Variants in FMNL2 observed in about 807,000 individuals in gnomAD.
FMNL2 encodes formin like 2, also known as formin-like protein 2.
A neutral mutation model predicts 130.2 loss-of-function variants in FMNL2; 51 were observed. The ratio of observed to expected loss-of-function variants is 0.39; its 90% CI spans 0.31 to 0.49. FMNL2 has a LOEUF of 0.49. Ranked by LOEUF, FMNL2 falls within the 20% of genes least tolerant of loss-of-function variation. The pLI is 0.85. For synonymous variants in FMNL2, 465 were observed against 467.1 expected, an observed-to-expected ratio of 1.00 and a Z score of 0.06; for missense variants, 977 against 1,316.2, an observed-to-expected ratio of 0.74 and a Z score of 3.99.
intron 2 of FMNL2, among the ~76,000 whole-genome samples, chr2:152,533,934 C>T (rs35035832): frequency 0.055 from 8,288 of 152,056 alleles, 277 homozygotes; most frequent in African/African-American, 0.081. Context: ...TTTGAACAAC[C>T]TCCCACCACT....
chr2:152,639,046 G>T (rs1682865456), intron 23 of FMNL2, among the ~76,000 whole-genome samples: 1 of 40,422 alleles, frequency 2.5e-5, no homozygotes, highest in African/African-American at 6.6e-5. Context: ...CCACCTCACT[G>T]TTCCTCCCTG....
At chr2:152,396,090 A>G (rs1685378629) in intron 1 of FMNL2, among the ~76,000 whole-genome samples, 1 of 152,204 alleles carries the variant, frequency 6.6e-6, no homozygotes, top group Non-Finnish European at 1.5e-5. Flanking sequence ...CTTGTTGTTT[A>G]ATCACGGCAT....
chr2:152,437,905 G>A (rs146434401), intron 1 of FMNL2, among the ~76,000 whole-genome samples: 8 of 152,302 alleles, frequency 5.3e-5, no homozygotes, highest in African/African-American at 1.9e-4. Context: ...ACTCACATCT[G>A]TTGTAAAAGG....
In FMNL2 at chr2:152,389,917, C is replaced by T. The variant is rs145226853; in HGVS notation, c.117+54197C>T. The T allele has an allele frequency of 2.3e-4, 240 of 1,039,630 alleles. No homozygotes were observed. In the African/African-American group the frequency reaches 3.1e-3, roughly 13 times the overall value. 64.4% of individuals were successfully genotyped at this position (1,039,630 alleles called of 1,614,324 possible). On this transcript the variant is annotated intron_variant, in intron 1 of 25. Coordinates refer to ENST00000288670, the MANE Select transcript of FMNL2 (RefSeq NM_052905.4). ...GAAGAGAACCCGGGAGAAGGTGGAG[C>T]GGGTGGCCGGGCTGGCCAAGGAAGC...
chr2:152,587,894 G>T (rs1369852248), intron 9 of FMNL2, among the ~76,000 whole-genome samples: 1 of 152,236 alleles, frequency 6.6e-6, no homozygotes, highest in African/African-American at 2.4e-5. Context: ...TACTTCGACA[G>T]TTGTAATACC....
chr2:152,610,765 A>C (rs1443931848), intron 10 of FMNL2, among the ~76,000 whole-genome samples: 1 of 152,204 alleles, frequency 6.6e-6, no homozygotes, highest in African/African-American at 2.4e-5. Context: ...AAAGATTTTT[A>C]TGTGGACGTA....
Position 152,492,878 on chromosome 2 carries a change from AC to A in FMNL2, c.118-29064del, listed in dbSNP as rs529255378. 1.2e-3 allele frequency among the ~76,000 whole-genome samples: 180 copies of A among 152,270 alleles called. 1 individual carries two copies. The highest frequency in any genetic ancestry group is 4.0e-3 in the African/African-American group (167 of 41,572). ...AAAAGAAAATAGCCGATATATTATTACTTTTTTTTTCTTCTATGTCACCTTG... is the reference window on the plus strand; with the variant it reads ...AAAAGAAAATAGCCGATATATTATTATTTTTTTTTCTTCTATGTCACCTTG... On this transcript the variant is annotated intron_variant, in intron 1 of 25. Transcript: ENST00000288670.
In FMNL2 at chr2:152,550,767, T is replaced by A. The variant is rs187391194; in HGVS notation, c.359+1670T>A. Among the ~76,000 whole-genome samples, 20 of 152,326 alleles carry A rather than the reference T, an allele frequency of 1.3e-4. No individual in the cohort carries two copies. In the East Asian group the frequency reaches 3.7e-3, roughly 28 times the overall value. On this transcript the variant is annotated intron_variant, in intron 4 of 25. Transcript: ENST00000288670. The stretch of plus-strand genomic sequence containing the variant: ...AGGAGCTAGATTCGATTTTGTTTGG[T>A]CCAAACCTTTGCCTTTGGCCCTTTT...
At position 152,648,112 on chromosome 2, in the gene FMNL2, T is replaced by TAATC; in HGVS notation, c.*210_*213dup. The TAATC allele has an allele frequency of 1.9e-6, 1 of 522,154 alleles. No individual in the cohort carries two copies. Among genetic ancestry groups the TAATC allele is most frequent in the African/African-American group, 2.0e-5 (1 of 50,686 alleles). 32.3% of individuals were successfully genotyped at this position (522,154 alleles called of 1,614,324 possible). On this transcript the variant is annotated 3_prime_UTR_variant, in exon 26 of 26. Coordinates refer to ENST00000288670, the MANE Select transcript of FMNL2 (RefSeq NM_052905.4). Reference sequence around the variant, plus strand: ...TAAAAATGGAAGTACCTGTTCAGATTAATCAAAGCAATAGGATTTGATTTG... The same window carrying TAATC: ...TAAAAATGGAAGTACCTGTTCAGATTAATCAATCAAAGCAATAGGATTTGATTTG...
At chr2:152,537,997 A>G (rs1490161618) in intron 2 of FMNL2, among the ~76,000 whole-genome samples, 1 of 152,210 alleles carries the variant, frequency 6.6e-6, no homozygotes, top group Non-Finnish European at 1.5e-5. Context: ...CAGATATAGA[A>G]GCTTGAGTGA....
intron 2 of FMNL2, among the ~76,000 whole-genome samples, chr2:152,537,174 C>G (rs1232289393): frequency 2.0e-5 from 3 of 152,208 alleles, no homozygotes; most frequent in African/African-American, 7.2e-5. Flanking sequence ...TGTAGCATAG[C>G]TGATGAATTC....
At chr2:152,380,324 G>A (rs910301367) in intron 1 of FMNL2, among the ~76,000 whole-genome samples, 2 of 152,208 alleles carry the variant, frequency 1.3e-5, no homozygotes, top group Non-Finnish European at 2.9e-5. Flanking sequence ...CTTTTTGCTT[G>A]TGGTGACGTA....
At chr2:152,581,863 C>T (rs1696805469) in intron 9 of FMNL2, among the ~76,000 whole-genome samples, 1 of 152,140 alleles carries the variant, frequency 6.6e-6, no homozygotes, top group African/African-American at 2.4e-5. Context: ...GCTAGAAGTC[C>T]CATTTAATTC....
At position 152,364,619 on chromosome 2, in the gene FMNL2, G is replaced by A. The variant is rs534933257; in HGVS notation, c.117+28899G>A. ...ATTAATCTATTTAGATATGCTTTGG[G>A]TACTTTTCCTGGCAAAATGGTAAAT... On this transcript the variant is annotated intron_variant, in intron 1 of 25. Transcript: ENST00000288670. 2.6e-5 allele frequency among the ~76,000 whole-genome samples: 4 copies of A among 152,242 alleles called. No homozygotes were observed. In the South Asian group the frequency reaches 8.3e-4, roughly 32 times the overall value.
intron 1 of FMNL2, among the ~76,000 whole-genome samples, chr2:152,497,316 T>A (rs1357793906): frequency 6.6e-6 from 1 of 151,836 alleles, no homozygotes; most frequent in African/African-American, 2.4e-5. Flanking sequence ...TTGTGTGCAT[T>A]TTTTTTTGTT....
At chr2:152,450,904 G>A (rs1688603336) in intron 1 of FMNL2, among the ~76,000 whole-genome samples, 1 of 152,224 alleles carries the variant, frequency 6.6e-6, no homozygotes, top group Non-Finnish European at 1.5e-5. Flanking sequence ...ACCCATGGCG[G>A]TGGATTTTGA....
chr2:152,608,778 T>C (rs1056058730), intron 10 of FMNL2, among the ~76,000 whole-genome samples: 1 of 152,196 alleles, frequency 6.6e-6, no homozygotes, highest in African/African-American at 2.4e-5. Context: ...TCTGTTAGAG[T>C]TGAGGTTGCA....
chr2:152,534,957 G>A (rs191512052), intron 2 of FMNL2, among the ~76,000 whole-genome samples: 15 of 152,208 alleles, frequency 9.9e-5, no homozygotes, highest in African/African-American at 3.6e-4. Context: ...ATGTTTTGAG[G>A]CTCTCCAAGA....
chr2:152,428,267 G>A (rs531364142), intron 1 of FMNL2, among the ~76,000 whole-genome samples: 93 of 152,264 alleles, frequency 6.1e-4, no homozygotes, highest in African/African-American at 2.2e-3. Context: ...AATCAGAACC[G>A]TGCTTTCTTC....
Sources: gnomAD v4.1 joint callset for allele counts (sites outside exome capture counted in the v4.1 genomes callset) on GRCh38, gnomAD v4.1.1 for gene constraint, MANE v1.5 for transcripts, NCBI Gene and HGNC (gene_info 2026-07-23, HGNC 2026-07-21) for gene names.